Variants in MUC22 observed in about 807,000 individuals in gnomAD.
The protein encoded by MUC22 is mucin 22.
MUC22 carries 24 observed loss-of-function variants against 40.3 expected under a neutral mutation model. The observed-to-expected ratio is 0.60, with a 90% CI of 0.43 to 0.84. The LOEUF (loss-of-function observed/expected upper bound fraction) is 0.84, where lower values mean the gene tolerates loss of function less well. Ranked by LOEUF, MUC22 falls within the 40% of genes least tolerant of loss-of-function variation. The pLI, the probability that MUC22 is intolerant of heterozygous loss-of-function variation, is 0.00. For missense variants in MUC22, 1,926 were observed against 2,130.7 expected, an observed-to-expected ratio of 0.90 and a Z score of 1.89; for synonymous variants, 765 against 844.5, an observed-to-expected ratio of 0.91 and a Z score of 1.63.
rs762002354 is a variant in MUC22 at position 31,027,134 on chromosome 6, T to C, written c.1703T>C (p.Val568Ala). The C allele has an allele frequency of 1.0e-3, 1,491 of 1,481,666 alleles. 145 individuals carry two copies. Among genetic ancestry groups the C allele is most frequent in the East Asian group, 7.6e-3 (285 of 37,522 alleles). The allele number at this position is 1,481,666 out of a possible 1,614,324, so 91.8% of individuals were successfully genotyped here. ...ACCATAGGCCCTGAGACCACCAAGG[T>C]CTCCACTGCAAGCTCTGAGGTGACC... is the stretch of plus-strand genomic sequence containing the variant. The change falls in exon 2 of 4, where the codon GTC becomes GCC. Residue 568 changes from valine to alanine, a missense_variant. This residue lies in a region of MUC22 where 1,281 missense variants were observed against 1,337.8 expected (regional missense o/e 0.96). Transcript: ENST00000561890.
At chr6:31,033,420 T>G (rs117821994) in intron 3 of MUC22, among the ~76,000 whole-genome samples, 1,708 of 152,316 alleles carry the variant, frequency 0.011, 79 homozygotes, top group Admixed American at 0.08. Context: ...ATGACAAATT[T>G]CTGGTCCTCA....
chr6:31,022,991 G>A lies in MUC22; in HGVS notation c.71-2511G>A, dbSNP rs544441783. Reference sequence around the variant, plus strand: ...CTAAAAATACAAAAATTAGCTGGGCGTGGTGGCGCATGCCTGTGGTTCCAG... The same window carrying A: ...CTAAAAATACAAAAATTAGCTGGGCATGGTGGCGCATGCCTGTGGTTCCAG... On this transcript the variant is annotated intron_variant, in intron 1 of 3. Transcript: ENST00000561890. Among the ~76,000 whole-genome samples the A allele has an allele frequency of 1.2e-3, 182 of 152,082 alleles. 1 individual carries two copies. The highest frequency in any genetic ancestry group is 3.9e-3 in the African/African-American group (161 of 41,498).
At chr6:31,010,412 C>T (rs991682530), upstream of MUC22, 3 of 364,540 alleles carry the variant, frequency 8.2e-6, no homozygotes, top group African/African-American at 6.1e-5. Context: ...GGAGGGAGGA[C>T]CCAAAGTTCT....
chr6:31,007,476 G>A (rs1156573507), upstream of MUC22, among the ~76,000 whole-genome samples: 1 of 151,822 alleles, frequency 6.6e-6, no homozygotes, highest in Non-Finnish European at 1.5e-5. The surrounding 1 kb of genome is among the most constrained non-coding windows in gnomAD (Gnocchi z 4.0). Flanking sequence ...AGGTACCATT[G>A]AGACTCCTTG....
At chr6:31,017,250 C>T (rs1033089379) in intron 1 of MUC22, among the ~76,000 whole-genome samples, 2 of 152,216 alleles carry the variant, frequency 1.3e-5, no homozygotes, top group African/African-American at 4.8e-5. Flanking sequence ...CTAGGTGAGG[C>T]CAGCTGGGCT....
chr6:31,005,958 A>T (rs1182149745), upstream of MUC22, among the ~76,000 whole-genome samples: 4 of 152,122 alleles, frequency 2.6e-5, no homozygotes, highest in Non-Finnish European at 5.9e-5. Context: ...AAATACAAAA[A>T]CTAGCTGGCG....
At chr6:31,025,847 C>A (rs924050472) in exon 2 of MUC22, 18 of 1,533,778 alleles carry the variant, frequency 1.2e-5, no homozygotes, top group Non-Finnish European at 1.6e-5. Flanking sequence ...GGGACCACAA[C>A]AACCTTTACT....
intron 1 of MUC22, among the ~76,000 whole-genome samples, chr6:31,016,490 C>T (rs1047474738): frequency 6.6e-6 from 1 of 152,176 alleles, no homozygotes; most frequent in Non-Finnish European, 1.5e-5. Context: ...GAAGAATTCT[C>T]CAGATCCTGT....
At chr6:31,019,088 C>G (rs1406296100) in intron 1 of MUC22, among the ~76,000 whole-genome samples, 1 of 152,248 alleles carries the variant, frequency 6.6e-6, no homozygotes, top group East Asian at 1.9e-4. Context: ...CAACTGCCAA[C>G]AGTCTCCTGG....
chr6:31,025,613 C>T (rs1183198679), exon 2 of MUC22: 1 of 1,524,990 alleles, frequency 6.6e-7, no homozygotes, highest in Admixed American at 2.0e-5. Context: ...GCCTTAACTA[C>T]AGGCTCTAAG....
In MUC22 at chr6:31,026,056, T is replaced by TCTACCACAGGCTCTGAAACCAC. The variant is rs756884949; in HGVS notation, c.627_648dup (p.Thr217TyrfsTer5). 121 of 1,529,842 alleles carry TCTACCACAGGCTCTGAAACCAC rather than the reference T, an allele frequency of 7.9e-5. No individual in the cohort carries two copies. In the South Asian group the frequency reaches 1.4e-3, roughly 17 times the overall value. The allele number at this position is 1,529,842 out of a possible 1,614,324, so 94.8% of individuals were successfully genotyped here. ...TGCAAGCTCTGAGGCCACTAAAGTCTCTACCACAGGCTCTGAAACCACCAC... is the reference window on the plus strand; with the variant it reads ...TGCAAGCTCTGAGGCCACTAAAGTCTCTACCACAGGCTCTGAAACCACCTACCACAGGCTCTGAAACCACCAC... On this transcript the variant is annotated frameshift_variant, in exon 2 of 4. Coordinates refer to ENST00000561890, the Ensembl canonical transcript of MUC22. LOFTEE classifies it high-confidence loss of function.
At chr6:31,020,128 G>A (rs73727158) in intron 1 of MUC22, among the ~76,000 whole-genome samples, 18,220 of 152,052 alleles carry the variant, frequency 0.12, 1,285 homozygotes, top group African/African-American at 0.17. Context: ...CAAATATCAA[G>A]CAAAATAAAC....
intron 1 of MUC22, among the ~76,000 whole-genome samples, chr6:31,021,186 G>A (rs1205750198): frequency 6.6e-6 from 1 of 152,272 alleles, no homozygotes; most frequent in Non-Finnish European, 1.5e-5. Context: ...CTGGGCTCCT[G>A]AGTCTGGTGA....
At chr6:31,025,963 G>T in exon 2 of MUC22, 1 of 1,534,394 alleles carries the variant, frequency 6.5e-7, no homozygotes. Flanking sequence ...GACCACCATG[G>T]CCTCCACCAC....
At chr6:31,012,498 T>C (rs1763925943) in intron 1 of MUC22, among the ~76,000 whole-genome samples, 3 of 152,216 alleles carry the variant, frequency 2.0e-5, no homozygotes, top group Admixed American at 1.3e-4. Context: ...CATGTAGTCA[T>C]TCAACAAACA....
intron 1 of MUC22, 27 bp from the exon 2 acceptor site, chr6:31,025,475 C>T (rs566033695): frequency 6.8e-7 from 1 of 1,464,782 alleles, no homozygotes. Flanking sequence ...AACCCATTCC[C>T]ACCACCTTAT....
chr6:31,028,184 C>A, exon 2 of MUC22: 1 of 1,534,026 alleles, frequency 6.5e-7, no homozygotes, highest in Non-Finnish European at 8.7e-7. Flanking sequence ...AGGACCATCA[C>A]CTCTACTGAA....
chr6:31,032,035 C>G lies in MUC22; in HGVS notation c.4670-161C>G, dbSNP rs962289545. The stretch of plus-strand genomic sequence containing the variant: ...CACCTGCATTCTGGGGACATGGCCA[C>G]AGCAGAATCGCTTTCTACCATCTCT... On this transcript the variant is annotated intron_variant, in intron 2 of 3. Coordinates refer to ENST00000561890, the Ensembl canonical transcript of MUC22. This position sits in a 1 kb window ranked among gnomAD's most constrained non-coding sequence, Gnocchi z 4.1. Among the ~76,000 whole-genome samples the G allele has an allele frequency of 6.6e-6, 1 of 152,182 alleles. No homozygotes were observed. The highest frequency in any genetic ancestry group is 1.5e-5 in the Non-Finnish European group (1 of 68,016).
At chr6:31,023,921 G>T (rs1158154212) in intron 1 of MUC22, among the ~76,000 whole-genome samples, 2 of 152,076 alleles carry the variant, frequency 1.3e-5, no homozygotes, top group African/African-American at 4.8e-5. Context: ...AACCAGCCTG[G>T]ATACACCTTC....
Sources: gnomAD v4.1 joint callset for allele counts (sites outside exome capture counted in the v4.1 genomes callset) on GRCh38, gnomAD v4.1.1 for gene constraint, gnomAD v4.1.1 regional missense constraint, Gnocchi (gnomAD v3.1) non-coding constraint, MANE v1.5 for transcripts, NCBI Gene and HGNC (gene_info 2026-07-23, HGNC 2026-07-21) for gene names.